NTM: variants seen among roughly 807,000 people sequenced by gnomAD.
NTM encodes IgLON family member 2.
In NTM, 13 loss-of-function variants were observed where a neutral mutation model predicts 42.1. The observed-to-expected ratio is 0.31, with a 90% CI of 0.20 to 0.49. The LOEUF (loss-of-function observed/expected upper bound fraction) is 0.49. NTM is among the 20% of genes least tolerant of loss of function. The probability of loss-of-function intolerance (pLI) is 0.99; values close to 1 mark genes in which losing one functional copy is unlikely to be tolerated. For synonymous variants in NTM, 187 were observed against 179.2 expected (o/e 1.04, Z -0.35); for missense variants, 373 against 452.8 (o/e 0.82, Z 1.60).
At chr11:131,898,792 C>T (rs948184027) in intron 1 of NTM, among the ~76,000 whole-genome samples, 10 of 152,168 alleles carry the variant, frequency 6.6e-5, no homozygotes, top group Non-Finnish European at 1.2e-4. Context: ...CTCTTGGGCT[C>T]TGTGCATTTA....
chr11:131,809,112 G>A (rs1228755208), intron 1 of NTM, among the ~76,000 whole-genome samples: 1 of 152,250 alleles, frequency 6.6e-6, no homozygotes, highest in African/African-American at 2.4e-5. Context: ...TCTACAAGAT[G>A]TGTGCAGAGA....
intron 1 of NTM, among the ~76,000 whole-genome samples, chr11:131,474,581 C>T (rs771774453): frequency 1.6e-4 from 25 of 152,088 alleles, no homozygotes; most frequent in Non-Finnish European, 2.8e-4. Context: ...TCCTGCTCTG[C>T]TTTCTTCTGA....
intron 1 of NTM, among the ~76,000 whole-genome samples, chr11:131,655,329 T>C (rs940000593): frequency 4.0e-4 from 61 of 152,348 alleles, no homozygotes; most frequent in Non-Finnish European, 6.8e-4. Flanking sequence ...TCCTTTGTGT[T>C]TTCTGGAATT....
chr11:132,262,625 C>A (rs11826021), intron 4 of NTM, among the ~76,000 whole-genome samples: 3,072 of 152,164 alleles, frequency 0.02, 105 homozygotes, highest in African/African-American at 0.069. Flanking sequence ...AGGACTCCAC[C>A]CTCGTAAGCT....
At chr11:132,095,772 G>T (rs1356632825) in intron 2 of NTM, among the ~76,000 whole-genome samples, 1 of 152,180 alleles carries the variant, frequency 6.6e-6, no homozygotes, top group African/African-American at 2.4e-5. Flanking sequence ...TAGAAGACAC[G>T]TATTAGAAAG....
intron 1 of NTM, chr11:131,909,603 A>G (rs2054385969): frequency 2.0e-5 from 3 of 152,246 alleles, no homozygotes; most frequent in South Asian, 2.1e-4. Context: ...AGAAGGGAGC[A>G]TTATTAATGT....
intron 1 of NTM, among the ~76,000 whole-genome samples, chr11:131,594,972 A>G (rs904505111): frequency 6.6e-6 from 1 of 152,198 alleles, no homozygotes. Flanking sequence ...CTTACTTATA[A>G]AACTGGTCTA....
intron 1 of NTM, among the ~76,000 whole-genome samples, chr11:131,758,992 G>A (rs2083728422): frequency 6.6e-6 from 1 of 152,158 alleles, no homozygotes; most frequent in African/African-American, 2.4e-5. Flanking sequence ...CTAAGAGAAG[G>A]AACCACCCTC....
intron 1 of NTM, among the ~76,000 whole-genome samples, chr11:131,617,831 A>G (rs2062098551): frequency 6.6e-6 from 1 of 152,198 alleles, no homozygotes; most frequent in Non-Finnish European, 1.5e-5. Flanking sequence ...GACAACCAGA[A>G]GCCTTTTGTA....
intron 4 of NTM, among the ~76,000 whole-genome samples, chr11:132,223,721 A>G (rs961249650): frequency 1.3e-5 from 2 of 152,266 alleles, no homozygotes; most frequent in African/African-American, 4.8e-5. Context: ...ACATGAGTTT[A>G]TAGTTTGAGT....
chr11:131,849,446 C>CGA (rs141108889), intron 1 of NTM, among the ~76,000 whole-genome samples: 3 of 150,620 alleles, frequency 2.0e-5, no homozygotes, highest in East Asian at 1.9e-4. Context: ...AAGGCAAGAG[C>CGA]GAGAGAGAGA....
intron 1 of NTM, among the ~76,000 whole-genome samples, chr11:131,598,727 C>CTTCTTTCTTTT (rs2060072175): frequency 1.1e-5 from 1 of 91,792 alleles, no homozygotes; most frequent in African/African-American, 3.9e-5. Context: ...TTCTTTCTTT[C>CTTCTTTCTTTT]TTTCTTTCTT....
chr11:131,517,568 TTG>T lies in NTM; in HGVS notation c.82+146681_82+146682del, dbSNP rs2049051927. On this transcript the variant is annotated intron_variant, in intron 1 of 8. Coordinates refer to ENST00000683400, the MANE Select transcript of NTM (RefSeq NM_001352005.2). Reference sequence around the variant, plus strand: ...TATGCCCTCTCCACAGCCATCCTAATTGATAACTCAAGCATCACTCTTTTTTT... The same window carrying T: ...TATGCCCTCTCCACAGCCATCCTAATATAACTCAAGCATCACTCTTTTTTT... Among the ~76,000 whole-genome samples, 3 of 152,308 alleles carry T rather than the reference TTG, an allele frequency of 2.0e-5. No homozygotes were observed. The South Asian group carries it at 6.2e-4, about 32-fold the overall frequency.
At chr11:131,794,235 G>A (rs1275313488) in intron 1 of NTM, among the ~76,000 whole-genome samples, 1 of 152,098 alleles carries the variant, frequency 6.6e-6, no homozygotes, top group African/African-American at 2.4e-5. Context: ...GATCATCTCT[G>A]CACCTCCCCT....
intron 3 of NTM, among the ~76,000 whole-genome samples, chr11:132,182,028 A>G (rs948517845): frequency 6.6e-6 from 1 of 150,802 alleles, no homozygotes; most frequent in African/African-American, 2.4e-5. Flanking sequence ...TCTGGGTAGT[A>G]GCTTAAAGGA....
At chr11:132,228,775 C>G (rs1246755798) in intron 4 of NTM, among the ~76,000 whole-genome samples, 1 of 152,204 alleles carries the variant, frequency 6.6e-6, no homozygotes, top group Non-Finnish European at 1.5e-5. Context: ...CATGTCTTCT[C>G]TCTGCATCAC....
chr11:132,024,339 C>A (rs2074850946), intron 2 of NTM, among the ~76,000 whole-genome samples: 1 of 152,170 alleles, frequency 6.6e-6, no homozygotes, highest in African/African-American at 2.4e-5. Context: ...CTGAGGGGCA[C>A]TGGTTCCAGG....
At chr11:131,691,436 G>T (rs2074693259) in intron 1 of NTM, among the ~76,000 whole-genome samples, 1 of 152,178 alleles carries the variant, frequency 6.6e-6, no homozygotes, top group Non-Finnish European at 1.5e-5. Context: ...CCGGGTCCAG[G>T]CTGGCCGAGC....
At chr11:132,040,506 A>G (rs2077043740) in intron 2 of NTM, among the ~76,000 whole-genome samples, 1 of 152,158 alleles carries the variant, frequency 6.6e-6, no homozygotes, top group African/African-American at 2.4e-5. Flanking sequence ...CATTAACCTA[A>G]GATTAGGAAC....
Sources: gnomAD v4.1 joint callset for allele counts (sites outside exome capture counted in the v4.1 genomes callset) on GRCh38, gnomAD v4.1.1 for gene constraint, MANE v1.5 for transcripts, NCBI Gene and HGNC (gene_info 2026-07-23, HGNC 2026-07-21) for gene names.